Variants in NELL2 observed in about 807,000 individuals in gnomAD.
NELL2 encodes protein kinase C-binding protein NELL2.
Under a neutral mutation model 109.6 loss-of-function variants are expected in NELL2, and 41 were observed. The ratio of observed to expected loss-of-function variants is 0.37; its 90% CI spans 0.29 to 0.49. The LOEUF (loss-of-function observed/expected upper bound fraction) is 0.49, where lower values mean the gene tolerates loss of function less well. Ranked by LOEUF, NELL2 falls within the 20% of genes least tolerant of loss-of-function variation. The probability of loss-of-function intolerance (pLI) is 0.98; values close to 1 mark genes in which losing one functional copy is unlikely to be tolerated. For missense variants in NELL2, 900 were observed against 1,008.3 expected, an observed-to-expected ratio of 0.89 and a Z score of 1.45; for synonymous variants, 355 against 344.7, an observed-to-expected ratio of 1.03 and a Z score of -0.33.
chr12:44,659,912 A>G (rs1049840058), intron 13 of NELL2, among the ~76,000 whole-genome samples: 5 of 152,190 alleles, frequency 3.3e-5, no homozygotes, highest in Non-Finnish European at 7.3e-5. Context: ...AGTAAAAATC[A>G]GTAGAAAGTA....
intron 2 of NELL2, among the ~76,000 whole-genome samples, chr12:44,817,654 T>C (rs1943396432): frequency 1.3e-5 from 2 of 152,184 alleles, no homozygotes; most frequent in Non-Finnish European, 2.9e-5. Flanking sequence ...CATAGTGCAG[T>C]GAGTGAACAG....
chr12:44,562,803 A>C (rs183059946), intron 15 of NELL2, among the ~76,000 whole-genome samples: 177 of 152,368 alleles, frequency 1.2e-3, no homozygotes, highest in African/African-American at 4.0e-3. Flanking sequence ...TTGACCCAGC[A>C]ATCCCATTAC....
chr12:44,714,551 G>T, intron 10 of NELL2, 99 bp downstream of exon 10: 1 of 667,516 alleles, frequency 1.5e-6, no homozygotes, highest in Non-Finnish European at 2.5e-6. Context: ...CTTTGCATTA[G>T]AATTTCAAAA....
At chr12:44,679,421 CAGGACTCAA>C (rs1948424662) in intron 12 of NELL2, among the ~76,000 whole-genome samples, 1 of 152,100 alleles carries the variant, frequency 6.6e-6, no homozygotes, top group South Asian at 2.1e-4. Context: ...AAGCGGAGTA[CAGGACTCAA>C]AGCATGAACA....
intron 2 of NELL2, among the ~76,000 whole-genome samples, chr12:44,817,685 TG>T (rs1265884738): frequency 6.6e-6 from 1 of 152,184 alleles, no homozygotes; most frequent in Non-Finnish European, 1.5e-5. Flanking sequence ...TGGATGGGGC[TG>T]GGGAACTGGA....
intron 13 of NELL2, among the ~76,000 whole-genome samples, chr12:44,644,564 T>C (rs1051355326): frequency 9.3e-5 from 12 of 128,832 alleles, no homozygotes; most frequent in Admixed American, 1.7e-4. Flanking sequence ...AGACATCCTA[T>C]ACCAGACAAA....
At chr12:44,541,250 C>CAAAAAAAAAAAAAAAAA (rs3071951) in intron 15 of NELL2, among the ~76,000 whole-genome samples, 1 of 78,904 alleles carries the variant, frequency 1.3e-5, no homozygotes, top group Non-Finnish European at 2.3e-5. Context: ...GACTCCATCT[C>CAAAAAAAAAAAAAAAAA]AAAAAAAAAA....
intron 3 of NELL2, among the ~76,000 whole-genome samples, chr12:44,794,509 C>T (rs928192233): frequency 2.6e-5 from 4 of 152,004 alleles, no homozygotes; most frequent in African/African-American, 9.7e-5. Flanking sequence ...AACAGCACCC[C>T]GGTCAGTTAT....
chr12:44,712,757 G>A (rs1938273119), intron 10 of NELL2, among the ~76,000 whole-genome samples: 1 of 151,926 alleles, frequency 6.6e-6, no homozygotes, highest in South Asian at 2.1e-4. Flanking sequence ...TAATTGCAAA[G>A]TATGCAAGAG....
Position 44,686,208 on chromosome 12 carries a change from G to A in NELL2, c.1318+17518C>T, listed in dbSNP as rs575796864. Among the ~76,000 whole-genome samples the A allele has an allele frequency of 2.3e-3, 345 of 152,054 alleles. 2 individuals are homozygous for A. The highest frequency in any genetic ancestry group is 7.7e-3 in the African/African-American group (319 of 41,458). ...ACCCTTTCTTCCAGTTGATCACATC[G>A]GCTCCTGAGGCGTCTGCATTCTTCA... On this transcript the variant is annotated intron_variant, in intron 12 of 19. Transcript: ENST00000429094.
chr12:44,551,856 A>T (rs1379673945), intron 15 of NELL2, among the ~76,000 whole-genome samples: 1 of 152,162 alleles, frequency 6.6e-6, no homozygotes, highest in Non-Finnish European at 1.5e-5. Flanking sequence ...TGAAACCAAA[A>T]GCTTTTATTA....
chr12:44,689,907 A>C (rs1225967680), intron 12 of NELL2, among the ~76,000 whole-genome samples: 1 of 152,228 alleles, frequency 6.6e-6, no homozygotes, highest in African/African-American at 2.4e-5. Context: ...GGTTAAAACA[A>C]AAAACACTCT....
intron 9 of NELL2, among the ~76,000 whole-genome samples, chr12:44,753,848 T>C (rs73102349): frequency 3.0e-5 from 3 of 101,230 alleles, no homozygotes; most frequent in Non-Finnish European, 6.8e-5. Flanking sequence ...CTAATGTATT[T>C]GTAAGGAATG....
At chr12:44,670,342 G>C (rs572198084) in intron 12 of NELL2, among the ~76,000 whole-genome samples, 5 of 151,886 alleles carry the variant, frequency 3.3e-5, no homozygotes, top group Non-Finnish European at 7.4e-5. Context: ...ATAAGAAAGA[G>C]AAAGGAGTCA....
intron 2 of NELL2, among the ~76,000 whole-genome samples, chr12:44,834,923 C>T (rs1467159504): frequency 1.3e-5 from 2 of 152,080 alleles, no homozygotes; most frequent in Non-Finnish European, 2.9e-5. Flanking sequence ...TGCCCACTCC[C>T]GTTTGGTTAA....
At chr12:44,855,508 G>A (rs920798647) in intron 2 of NELL2, among the ~76,000 whole-genome samples, 6 of 152,108 alleles carry the variant, frequency 3.9e-5, no homozygotes, top group Non-Finnish European at 8.8e-5. Flanking sequence ...AAAATTCTAA[G>A]GTCTTTCAAT....
At chr12:44,876,689 C>A (rs1433321887), upstream of NELL2, 1 of 1,550,414 alleles carries the variant, frequency 6.4e-7, no homozygotes, top group African/African-American at 1.4e-5. Flanking sequence ...GAGCGAGTAG[C>A]GCTCGCCTGC....
chr12:44,614,241 A>C (rs1945735515), intron 13 of NELL2, among the ~76,000 whole-genome samples: 1 of 152,022 alleles, frequency 6.6e-6, no homozygotes, highest in South Asian at 2.1e-4. Context: ...CCTCTTCATC[A>C]AAAATATCAG....
chr12:44,541,708 C>T (rs1420038650), intron 15 of NELL2, among the ~76,000 whole-genome samples: 2 of 152,098 alleles, frequency 1.3e-5, no homozygotes, highest in African/African-American at 4.8e-5. Flanking sequence ...GAAAGGTCAA[C>T]CGGGGTCCCC....
Sources: allele counts gnomAD v4.1 joint callset (sites outside exome capture counted in the v4.1 genomes callset), GRCh38; gene constraint gnomAD v4.1.1; transcripts MANE v1.5; gene names NCBI Gene and HGNC (gene_info 2026-07-23, HGNC 2026-07-21).